The following MOB1B variants were observed in gnomAD, a reference collection of about 807,000 sequenced individuals.
MOB1B encodes the protein MOB kinase activator 1B, also known as MOB1 Mps One Binder homolog B.
In MOB1B, 19 loss-of-function variants were observed where a neutral mutation model predicts 24.4. That is an observed-to-expected ratio of 0.78 (90% CI 0.54 to 1.14). The LOEUF (loss-of-function observed/expected upper bound fraction) is 1.14, where lower values mean the gene tolerates loss of function less well. MOB1B is among the 50% of genes most tolerant of loss of function. The pLI, the probability that MOB1B is intolerant of heterozygous loss-of-function variation, is 0.00. For synonymous variants in MOB1B, 76 were observed against 82.1 expected, an observed-to-expected ratio of 0.93 and a Z score of 0.40; for missense variants, 243 against 259.6, an observed-to-expected ratio of 0.94 and a Z score of 0.44.
At chr4:70,935,657 C>T (rs1663721760) in intron 1 of MOB1B, among the ~76,000 whole-genome samples, 1 of 151,632 alleles carries the variant, frequency 6.6e-6, no homozygotes, top group Admixed American at 6.6e-5. Flanking sequence ...AACCATTATA[C>T]TCTTTTTTTT....
intron 1 of MOB1B, among the ~76,000 whole-genome samples, chr4:70,943,197 A>G (rs1737420214): frequency 6.6e-6 from 1 of 152,214 alleles, no homozygotes; most frequent in Non-Finnish European, 1.5e-5. Flanking sequence ...TTGTATAAGC[A>G]TACATTCTCA....
intron 1 of MOB1B, among the ~76,000 whole-genome samples, chr4:70,956,845 A>AT (rs1291158584): frequency 6.6e-6 from 1 of 152,154 alleles, no homozygotes; most frequent in Non-Finnish European, 1.5e-5. Context: ...TTAAATGAGA[A>AT]TGCTAGTACT....
chr4:70,906,502 TC>T (rs1478324675), intron 1 of MOB1B, among the ~76,000 whole-genome samples: 1 of 152,132 alleles, frequency 6.6e-6, no homozygotes, highest in Non-Finnish European at 1.5e-5. Flanking sequence ...ATACTGAACA[TC>T]AATAAATCAT....
intron 4 of MOB1B, chr4:70,975,656 T>C: frequency 3.1e-6 from 3 of 953,968 alleles, no homozygotes; most frequent in Non-Finnish European, 3.7e-6. Flanking sequence ...TTTAACACTT[T>C]AAAAAAATTA....
chr4:70,960,375 A>G lies in MOB1B; in HGVS notation c.181+1335A>G, dbSNP rs192699629. Among the ~76,000 whole-genome samples the G allele has an allele frequency of 3.3e-5, 5 of 152,298 alleles. No homozygotes were observed. In the East Asian group the frequency reaches 9.6e-4, roughly 29 times the overall value. ...AACATTAGTGAAAAAAATAGTAATAATAGAATTTTATAATTAAAGGAAATT... is the reference window on the plus strand; with the variant it reads ...AACATTAGTGAAAAAAATAGTAATAGTAGAATTTTATAATTAAAGGAAATT... On this transcript the variant is annotated intron_variant, in intron 2 of 5. Coordinates refer to ENST00000309395, the MANE Select transcript of MOB1B (RefSeq NM_173468.4).
At position 70,975,372 on chromosome 4, in the gene MOB1B, A is replaced by G; in HGVS notation, c.409+86A>G. The G allele has an allele frequency of 3.2e-6, 5 of 1,550,472 alleles. No homozygotes were observed. The East Asian group carries it at 9.0e-5, about 28-fold the overall frequency. On this transcript the variant is annotated intron_variant, in intron 4 of 5. Transcript: ENST00000309395. ...TTTCCTCCCTCTTTCCACTATATCT[A>G]GTTGGAGAGTTCTTTATGGCTGTGT...
intron 1 of MOB1B, among the ~76,000 whole-genome samples, chr4:70,936,141 G>A (rs967194411): frequency 3.3e-5 from 5 of 151,678 alleles, no homozygotes; most frequent in African/African-American, 1.2e-4. Flanking sequence ...GTGAGCCACC[G>A]CGCCCGGCCG....
intron 1 of MOB1B, among the ~76,000 whole-genome samples, chr4:70,915,344 G>A (rs1054822239): frequency 3.3e-5 from 5 of 152,174 alleles, no homozygotes; most frequent in East Asian, 1.9e-4. Context: ...AAGGAATGAC[G>A]GGATTTATTG....
chr4:70,973,727 T>C (rs1484153248), intron 3 of MOB1B, among the ~76,000 whole-genome samples: 1 of 152,184 alleles, frequency 6.6e-6, no homozygotes, highest in African/African-American at 2.4e-5. Context: ...TGTTGGAAAG[T>C]ATCATACTTG....
rs540986885 is a variant in MOB1B, at chr4:70,912,522, C to T, written c.14+9972C>T. On this transcript the variant is annotated intron_variant, in intron 1 of 5. Coordinates refer to ENST00000309395, the MANE Select transcript of MOB1B (RefSeq NM_173468.4). Reference sequence around the variant, plus strand: ...CTCAACTTTGTCTTCAGGTGATCCACCGGCCTCAGCCTCCTAAAGTGCTGA... The same window carrying T: ...CTCAACTTTGTCTTCAGGTGATCCATCGGCCTCAGCCTCCTAAAGTGCTGA... Among the ~76,000 whole-genome samples, 7 of 152,286 alleles carry T rather than the reference C, an allele frequency of 4.6e-5. No homozygotes were observed. In the East Asian group the frequency reaches 1.4e-3, roughly 29 times the overall value.
intron 1 of MOB1B, among the ~76,000 whole-genome samples, chr4:70,906,902 C>T (rs1452261431): frequency 3.9e-5 from 6 of 152,128 alleles, no homozygotes; most frequent in African/African-American, 7.2e-5. Flanking sequence ...GATGGTATAT[C>T]GTCATCTATG....
At chr4:70,936,021 T>G (rs2148881899) in intron 1 of MOB1B, among the ~76,000 whole-genome samples, 1 of 151,892 alleles carries the variant, frequency 6.6e-6, no homozygotes, top group East Asian at 1.9e-4. Context: ...CCGGCTAATT[T>G]TTTGTATTTT....
rs1351904899 is a variant in MOB1B, at chr4:70,975,520, T to C, written c.409+234T>C. ...TCCCCTTTAACTTAGTGCTTTTAAA[T>C]GCTTAATTAGCTGAAAGTATAGGTT... On this transcript the variant is annotated intron_variant, in intron 4 of 5. Coordinates refer to ENST00000309395, the MANE Select transcript of MOB1B (RefSeq NM_173468.4). 3 of 1,185,750 alleles carry C rather than the reference T, an allele frequency of 2.5e-6. No homozygotes were observed. In the East Asian group the frequency reaches 1.2e-4, roughly 47 times the overall value. 73.5% of individuals were successfully genotyped at this position (1,185,750 alleles called of 1,614,324 possible).
rs1739360755 is a variant in MOB1B at position 70,985,833 on chromosome 4, T to G, written c.*3776T>G. On this transcript the variant is annotated 3_prime_UTR_variant, in exon 6 of 6. Transcript: ENST00000309395. ...CCACAGCCAGCCAGTATGACCTATC[T>G]TAATCATCAGCTCAACTGTAATTTA... The G allele has an allele frequency of 6.6e-6, 1 of 152,246 alleles. No homozygotes were observed. The allele number at this position is 152,246 out of a possible 1,614,324, so 9.4% of individuals were successfully genotyped here. A position where few individuals can be genotyped will look rare whatever the true frequency, so the allele number is the denominator to read the frequency against.
chr4:70,963,818 AC>A lies in MOB1B; in HGVS notation c.181+4779del, dbSNP rs539069929. ...CTGGGTGACAGAGTGAGACTCCATC[AC>A]AAAAGAAGAAAAAAACAAAACAAAA... On this transcript the variant is annotated intron_variant, in intron 2 of 5. Coordinates refer to ENST00000309395, the MANE Select transcript of MOB1B (RefSeq NM_173468.4). Among the ~76,000 whole-genome samples the A allele has an allele frequency of 3.9e-5, 6 of 152,090 alleles. No homozygotes were observed. In the East Asian group the frequency reaches 1.2e-3, roughly 29 times the overall value.
chr4:70,931,808 G>A (rs1736899179), intron 1 of MOB1B, among the ~76,000 whole-genome samples: 1 of 152,122 alleles, frequency 6.6e-6, no homozygotes, highest in Non-Finnish European at 1.5e-5. Flanking sequence ...GTAGTTCACT[G>A]CAGCCTCGAA....
Position 70,975,992 on chromosome 4 carries a change from C to T in MOB1B, c.409+706C>T, listed in dbSNP as rs772030064. On this transcript the variant is annotated intron_variant, in intron 4 of 5. Transcript: ENST00000309395. ...TTGGCTCACTGCAGCCTCCACCTCCCGGGTTCAAGTGATTCTCTTGCCTCA... is the reference window on the plus strand; with the variant it reads ...TTGGCTCACTGCAGCCTCCACCTCCTGGGTTCAAGTGATTCTCTTGCCTCA... The T allele has an allele frequency of 4.0e-5, 11 of 277,792 alleles. No homozygotes were observed. In the South Asian group the frequency reaches 4.2e-4, roughly 11 times the overall value. The allele number at this position is 277,792 out of a possible 1,614,324, so 17.2% of individuals were successfully genotyped here. A position where few individuals can be genotyped will look rare whatever the true frequency, so the allele number is the denominator to read the frequency against.
chr4:70,911,039 G>T (rs1735964284), intron 1 of MOB1B, among the ~76,000 whole-genome samples: 1 of 152,162 alleles, frequency 6.6e-6, no homozygotes, highest in Non-Finnish European at 1.5e-5. Flanking sequence ...GCCCGCCTTG[G>T]CCTCCCAAAG....
intron 1 of MOB1B, among the ~76,000 whole-genome samples, chr4:70,915,729 G>T (rs1341497346): frequency 1.3e-5 from 2 of 151,590 alleles, no homozygotes; most frequent in African/African-American, 4.8e-5. Flanking sequence ...GAGGGGGACC[G>T]TTGGTCTTTT....
Sources: gnomAD v4.1 joint callset for allele counts (sites outside exome capture counted in the v4.1 genomes callset) on GRCh38, gnomAD v4.1.1 for gene constraint, MANE v1.5 for transcripts, NCBI Gene and HGNC (gene_info 2026-07-23, HGNC 2026-07-21) for gene names.